The following PASD1 variants were observed in gnomAD, a reference collection of about 807,000 sequenced individuals.
The protein encoded by PASD1 is PAS domain containing repressor 1.
PASD1 carries 13 observed loss-of-function variants against 58.8 expected under a neutral mutation model. The observed-to-expected ratio is 0.22, with a 90% CI of 0.14 to 0.35. The LOEUF (loss-of-function observed/expected upper bound fraction) is 0.35. Among genes scored for constraint, PASD1 ranks in the 10% least tolerant of loss-of-function variants. The pLI, the probability that PASD1 is intolerant of heterozygous loss-of-function variation, is 1.00. For synonymous variants in PASD1, 236 were observed against 216.7 expected (o/e 1.09, Z -0.78); for missense variants, 734 against 568.3 (o/e 1.29, Z -2.96).
intron 1 of PASD1, among the ~76,000 whole-genome samples, chrX:151,565,074 G>C (rs1052170692): frequency 1.4e-4 from 16 of 112,054 alleles, no homozygotes; most frequent in Non-Finnish European, 2.8e-4. Flanking sequence ...AAGAGATCCA[G>C]GAACAGAATC....
intron 11 of PASD1, among the ~76,000 whole-genome samples, chrX:151,668,960 G>GCC (rs2014425096): frequency 1.9e-5 from 2 of 105,566 alleles, no homozygotes; most frequent in African/African-American, 6.9e-5. Flanking sequence ...TGTTGCCCAG[G>GCC]CTGGTCTCAA....
At chrX:151,590,328 A>G (rs2013227003) in intron 1 of PASD1, among the ~76,000 whole-genome samples, 1 of 111,886 alleles carries the variant, frequency 8.9e-6, no homozygotes, top group Non-Finnish European at 1.9e-5. Context: ...TAAACTCATG[A>G]ATTACAGTGC....
At position 151,646,577 on chromosome X, in the gene PASD1, T is replaced by C. The variant is rs975204686; in HGVS notation, c.630-2038T>C. 2.7e-5 allele frequency among the ~76,000 whole-genome samples: 3 copies of C among 112,724 alleles called. No homozygotes were observed. In the Admixed American group the frequency reaches 2.8e-4, roughly 11 times the overall value. On this transcript the variant is annotated intron_variant, in intron 8 of 15. Coordinates refer to ENST00000370357, the MANE Select transcript of PASD1 (RefSeq NM_173493.3). ...CCACATGTGTCTAGTGACTGCCATA[T>C]TGGACAATGCAGCAAGCAATATATT...
At chrX:151,671,864 G>A (rs781399928) in intron 13 of PASD1, 85 bp downstream of exon 13, 22 of 980,959 alleles carry the variant, frequency 2.2e-5, no homozygotes, top group Middle Eastern at 2.9e-4. Context: ...TCCTTAGGGG[G>A]TAGTGACTAT....
intron 2 of PASD1, 93 bp downstream of exon 2, chrX:151,601,674 G>A (rs992575915): frequency 1.1e-6 from 1 of 929,650 alleles, no homozygotes; most frequent in Admixed American, 2.5e-5. Context: ...ACTTCCTCAG[G>A]GAAGCCTGAT....
chrX:151,652,626 A>G lies in PASD1; in HGVS notation c.717+3924A>G, dbSNP rs149552892. On this transcript the variant is annotated intron_variant, in intron 9 of 15. Coordinates refer to ENST00000370357, the MANE Select transcript of PASD1 (RefSeq NM_173493.3). ...ACAAGACTTATTGAAAAGATAGAAC[A>G]GGATGAGGAGGTTTGGGAATGCAAG... Among the ~76,000 whole-genome samples the G allele has an allele frequency of 1.9e-3, 212 of 111,617 alleles. 1 individual carries two copies. Among genetic ancestry groups the G allele is most frequent in the African/African-American group, 6.8e-3 (209 of 30,849 alleles).
intron 4 of PASD1, among the ~76,000 whole-genome samples, chrX:151,617,371 A>G (rs950706638): frequency 1.8e-5 from 2 of 111,451 alleles, no homozygotes; most frequent in Non-Finnish European, 3.8e-5. Flanking sequence ...GCAATAAGAA[A>G]CTCATTACCA....
chrX:151,580,506 TTC>T (rs1345721289), intron 1 of PASD1, among the ~76,000 whole-genome samples: 1 of 104,047 alleles, frequency 9.6e-6, no homozygotes, highest in Non-Finnish European at 1.9e-5. Context: ...ATTTCTTTTT[TTC>T]TTTTTTTTTT....
At chrX:151,666,574 C>G (rs1463923056) in intron 11 of PASD1, among the ~76,000 whole-genome samples, 1 of 101,346 alleles carries the variant, frequency 9.9e-6, no homozygotes, top group Non-Finnish European at 2.0e-5. Flanking sequence ...GTGATGTTCC[C>G]CTTCCTGTGT....
chrX:151,653,758 CT>C (rs1349570991), intron 9 of PASD1, among the ~76,000 whole-genome samples: 11 of 2,561 alleles, frequency 4.3e-3, no homozygotes, highest in African/African-American at 6.6e-3. Flanking sequence ...TTCCTTCTTT[CT>C]TTCTTTCTTT....
chrX:151,647,798 A>G (rs2014078976), intron 8 of PASD1, among the ~76,000 whole-genome samples: 1 of 111,162 alleles, frequency 9.0e-6, no homozygotes, highest in African/African-American at 3.3e-5. Context: ...CCATTGGATC[A>G]GAATTCACTT....
chrX:151,669,244 A>G (rs949426875), intron 11 of PASD1, among the ~76,000 whole-genome samples: 4 of 106,534 alleles, frequency 3.8e-5, no homozygotes, highest in Middle Eastern at 4.8e-3. Context: ...TTCATATTAT[A>G]TATATACTAT....
At chrX:151,673,067 G>C (rs960063438) in intron 14 of PASD1, 2 of 146,850 alleles carry the variant, frequency 1.4e-5, no homozygotes, top group African/African-American at 6.2e-5. Context: ...CTGGAATCTG[G>C]TGATGGCAGT....
intron 1 of PASD1, among the ~76,000 whole-genome samples, chrX:151,598,296 C>A (rs2124248124): frequency 9.0e-6 from 1 of 111,094 alleles, no homozygotes; most frequent in East Asian, 2.8e-4. Context: ...TGTATTTGGG[C>A]CAGAAAATAT....
rs905099225 is a variant in PASD1, at chrX:151,648,602, T to G, written c.630-13T>G. The G allele has an allele frequency of 1.7e-6, 2 of 1,201,466 alleles. No individual in the cohort carries two copies. The highest frequency in any genetic ancestry group is 2.3e-6 in the Non-Finnish European group (2 of 887,197). On this transcript the variant is annotated splice_polypyrimidine_tract_variant and intron_variant, in intron 8 of 15. Coordinates refer to ENST00000370357, the MANE Select transcript of PASD1 (RefSeq NM_173493.3). Reference sequence around the variant, plus strand: ...GAGATATGCTTACCATCTCTCTTTTTTCCTATTTATAGTAGCTCTCAAGGT... The same window carrying G: ...GAGATATGCTTACCATCTCTCTTTTGTCCTATTTATAGTAGCTCTCAAGGT...
chrX:151,599,914 G>A (rs890054242), intron 1 of PASD1, among the ~76,000 whole-genome samples: 6 of 111,855 alleles, frequency 5.4e-5, no homozygotes, highest in African/African-American at 1.3e-4. Flanking sequence ...CAAGGCAGGC[G>A]GCTGGGAGGT....
intron 8 of PASD1, among the ~76,000 whole-genome samples, chrX:151,626,127 A>G (rs1427314913): frequency 8.9e-6 from 1 of 112,136 alleles, no homozygotes; most frequent in African/African-American, 3.2e-5. Context: ...GCATGTAATG[A>G]CTTTCAAATT....
intron 1 of PASD1, among the ~76,000 whole-genome samples, chrX:151,570,873 G>A (rs1438327907): frequency 2.7e-5 from 3 of 112,170 alleles, no homozygotes; most frequent in Non-Finnish European, 3.8e-5. Context: ...TGAATAAAGC[G>A]GCCCACCACA....
At chrX:151,662,626 C>T (rs2014325693) in intron 10 of PASD1, among the ~76,000 whole-genome samples, 2 of 110,871 alleles carry the variant, frequency 1.8e-5, no homozygotes, top group East Asian at 2.8e-4. Context: ...CATGTAACAA[C>T]CAACAACAAC....
Sources: allele counts gnomAD v4.1 joint callset (sites outside exome capture counted in the v4.1 genomes callset), GRCh38; gene constraint gnomAD v4.1.1; transcripts MANE v1.5; gene names NCBI Gene and HGNC (gene_info 2026-07-23, HGNC 2026-07-21).